The following CYP11A1 variants were observed in gnomAD, a reference collection of about 807,000 sequenced individuals.
CYP11A1 encodes cytochrome P450 family 11 subfamily A member 1, also known as cholesterol side-chain cleavage enzyme, mitochondrial.
CYP11A1 carries 25 observed loss-of-function variants against 51.9 expected under a neutral mutation model. That is an observed-to-expected ratio of 0.48 (90% CI 0.35 to 0.67). The LOEUF (loss-of-function observed/expected upper bound fraction) is 0.67, where lower values mean the gene tolerates loss of function less well. Among genes scored for constraint, CYP11A1 ranks in the 30% least tolerant of loss-of-function variants. The pLI is 0.00. For synonymous variants in CYP11A1, 245 were observed against 262.1 expected (o/e 0.93, Z 0.63); for missense variants, 578 against 680.9 (o/e 0.85, Z 1.68).
chr15:74,344,768 G>C, intron 3 of CYP11A1: 2 of 491,720 alleles, frequency 4.1e-6, no homozygotes, highest in Non-Finnish European at 7.5e-6. Flanking sequence ...TGGCAATAGG[G>C]ACCTGTACTT....
chr15:74,343,986 G>C lies in CYP11A1; in HGVS notation c.632C>G (p.Thr211Ser), dbSNP rs1468596322. Residue 211 changes from threonine (T) to serine (S), a missense_variant, in exon 4 of 9, where the codon ACT (threonine) becomes AGT (serine). Transcript: ENST00000268053. ...DLFRFAFESI[T>S]NVIFGERQGM... Reference sequence around the variant, plus strand: ...CTGGCGCTCCCCAAAAATGACGTTAGTGATGGCTGCAGGGAGAGGAAGAGG... The same window carrying C: ...CTGGCGCTCCCCAAAAATGACGTTACTGATGGCTGCAGGGAGAGGAAGAGG... The C allele has an allele frequency of 6.2e-7, 1 of 1,614,090 alleles. No individual in the cohort carries two copies. The highest frequency in any genetic ancestry group is 1.1e-5 in the South Asian group (1 of 91,064).
intron 1 of CYP11A1, chr15:74,366,184 C>T: frequency 1.0e-6 from 1 of 985,376 alleles, no homozygotes; most frequent in Non-Finnish European, 1.2e-6. Context: ...GCGGCGTGCG[C>T]TGGGAGGAAT....
At chr15:74,338,127 T>G in intron 8 of CYP11A1, 24 bp from the exon 9 acceptor site, 3 of 1,614,122 alleles carry the variant, frequency 1.9e-6, no homozygotes, top group Non-Finnish European at 8.5e-7. Flanking sequence ...ATGGTAGGTT[T>G]AGGGGAGGGC....
In CYP11A1 at chr15:74,367,432, G is replaced by A; in HGVS notation, c.154C>T (p.Pro52Ser). Residue 52 changes from proline to serine, a missense_variant, in exon 1 of 9, where the codon CCC becomes TCC. Transcript: ENST00000268053. Reference protein sequence around the residue: ...TRSPRPFNEIPSPGDNGWLNL... With the variant: ...TRSPRPFNEISSPGDNGWLNL... ...AGCCAGCCATTGTCACCAGGAGAGGGGATCTCATTGAAGGGGCGAGGACTG... is the reference window on the plus strand; with the variant it reads ...AGCCAGCCATTGTCACCAGGAGAGGAGATCTCATTGAAGGGGCGAGGACTG... 1 of 1,614,236 alleles carries A rather than the reference G, an allele frequency of 6.2e-7. No individual in the cohort carries two copies. The highest frequency in any genetic ancestry group is 8.5e-7 in the Non-Finnish European group (1 of 1,180,052).
At chr15:74,352,842 A>C (rs539254193) in intron 1 of CYP11A1, among the ~76,000 whole-genome samples, 1 of 152,356 alleles carries the variant, frequency 6.6e-6, no homozygotes, top group South Asian at 2.1e-4. Context: ...AAAAGTAAAA[A>C]TTGAGTACAG....
intron 1 of CYP11A1, among the ~76,000 whole-genome samples, chr15:74,366,473 TTTA>T: frequency 6.8e-6 from 1 of 147,682 alleles, no homozygotes; most frequent in Non-Finnish European, 1.5e-5. Context: ...TATTTATTTA[TTTA>T]TTTATTTATT....
intron 7 of CYP11A1, 64 bp downstream of exon 7, chr15:74,339,173 G>T: frequency 7.1e-7 from 1 of 1,404,610 alleles, no homozygotes; most frequent in Non-Finnish European, 1.0e-6. Flanking sequence ...CCCTCTGTCT[G>T]CAATTCCAGC....
intron 1 of CYP11A1, among the ~76,000 whole-genome samples, chr15:74,355,951 T>A (rs2060677471): frequency 6.6e-6 from 1 of 152,160 alleles, no homozygotes; most frequent in South Asian, 2.1e-4. Flanking sequence ...AGTCAGCCCC[T>A]GACATTAGAA....
intron 1 of CYP11A1, among the ~76,000 whole-genome samples, chr15:74,353,583 C>T (rs888710382): frequency 1.3e-5 from 2 of 152,110 alleles, no homozygotes; most frequent in Non-Finnish European, 2.9e-5. Flanking sequence ...TATTAGTGAA[C>T]TTAAGGATAC....
At chr15:74,367,214 T>C in intron 1 of CYP11A1, 103 bp downstream of exon 1, 1 of 1,294,720 alleles carries the variant, frequency 7.7e-7, no homozygotes, top group Non-Finnish European at 1.1e-6. Context: ...GACAGGAGTT[T>C]GGAACCAGAG....
chr15:74,343,492 T>C (rs2060617611), intron 4 of CYP11A1, among the ~76,000 whole-genome samples: 1 of 152,188 alleles, frequency 6.6e-6, no homozygotes, highest in Admixed American at 6.5e-5. Flanking sequence ...GTCCCTGTCA[T>C]CCAGCACAGC....
At chr15:74,363,503 A>G (rs963277230) in intron 1 of CYP11A1, 1 of 152,206 alleles carries the variant, frequency 6.6e-6, no homozygotes, top group Non-Finnish European at 1.5e-5. Context: ...AGTAAACTGT[A>G]TCTAGCTCAT....
At chr15:74,349,013 A>G (rs1305045636) in intron 1 of CYP11A1, among the ~76,000 whole-genome samples, 1 of 152,190 alleles carries the variant, frequency 6.6e-6, no homozygotes, top group African/African-American at 2.4e-5. Flanking sequence ...GGTTTGAGCC[A>G]ATGTGCCTAC....
In CYP11A1 at chr15:74,337,897, G is replaced by C. The variant is rs898580861; in HGVS notation, c.*75C>G. On this transcript the variant is annotated 3_prime_UTR_variant, in exon 9 of 9. Coordinates refer to ENST00000268053, the MANE Select transcript of CYP11A1 (RefSeq NM_000781.3). ...GAAAGGAGCAGGACTTGGGACAGAC[G>C]ACTGAAGATGCAGAGACCCCATGGG... The C allele has an allele frequency of 6.3e-7, 1 of 1,595,374 alleles. No homozygotes were observed.
At position 74,337,863 on chromosome 15, in the gene CYP11A1, G is replaced by T; in HGVS notation, c.*109C>A. ...GAGAACCCATTCAACCTGCTGAGCA[G>T]GCTGGGCAGAAAGGAGCAGGACTTG... On this transcript the variant is annotated 3_prime_UTR_variant, in exon 9 of 9. Transcript: ENST00000268053. 1.4e-6 allele frequency: 2 copies of T among 1,479,810 alleles called. No individual in the cohort carries two copies. Among genetic ancestry groups the T allele is most frequent in the Non-Finnish European group, 1.9e-6 (2 of 1,071,112 alleles). The allele number at this position is 1,479,810 out of a possible 1,614,324, so 91.7% of individuals were successfully genotyped here. A position where few individuals can be genotyped will look rare whatever the true frequency, so the allele number is the denominator to read the frequency against.
rs558118201 is a variant in CYP11A1 at position 74,357,780 on chromosome 15, G to A, written c.269+9537C>T. On this transcript the variant is annotated intron_variant, in intron 1 of 8. Coordinates refer to ENST00000268053, the MANE Select transcript of CYP11A1 (RefSeq NM_000781.3). ...CTGTTTTAGCCTAGCCCTCATGTCT[G>A]TGTACGGCAGCTGTCGCTGCTTTAA... Among the ~76,000 whole-genome samples, 6 of 152,350 alleles carry A rather than the reference G, an allele frequency of 3.9e-5. No homozygotes were observed. The East Asian group carries it at 1.2e-3, about 29-fold the overall frequency.
At chr15:74,357,448 A>G (rs2060685545) in intron 1 of CYP11A1, among the ~76,000 whole-genome samples, 1 of 152,146 alleles carries the variant, frequency 6.6e-6, no homozygotes, top group Non-Finnish European at 1.5e-5. Flanking sequence ...CAAAGCAACA[A>G]TGCCTTTCCT....
intron 1 of CYP11A1, among the ~76,000 whole-genome samples, chr15:74,349,891 C>T (rs1339134433): frequency 6.6e-6 from 1 of 152,034 alleles, no homozygotes; most frequent in African/African-American, 2.4e-5. Flanking sequence ...TTCAAGGCTA[C>T]AGTGAGCCTA....
At chr15:74,344,071 C>G (rs1395560533) in intron 3 of CYP11A1, 79 bp from the exon 4 acceptor site, 1 of 1,123,908 alleles carries the variant, frequency 8.9e-7, no homozygotes. Context: ...ACTCCTCCAC[C>G]CTCACCTCCC....
Sources: gnomAD v4.1 joint callset for allele counts (sites outside exome capture counted in the v4.1 genomes callset) on GRCh38, gnomAD v4.1.1 for gene constraint, MANE v1.5 for transcripts, NCBI Gene and HGNC (gene_info 2026-07-23, HGNC 2026-07-21) for gene names.